Variants in LAMA4 observed in about 807,000 individuals in gnomAD.
LAMA4 encodes the protein laminin subunit alpha 4, also known as laminin subunit alpha-4.
LAMA4 carries 127 observed loss-of-function variants against 207.1 expected under a neutral mutation model. The ratio of observed to expected loss-of-function variants is 0.61; its 90% CI spans 0.53 to 0.71. The LOEUF (loss-of-function observed/expected upper bound fraction) is 0.71. Ranked by LOEUF, LAMA4 falls within the 30% of genes least tolerant of loss-of-function variation. The pLI is 0.00. For synonymous variants in LAMA4, 761 were observed against 816.0 expected, an observed-to-expected ratio of 0.93 and a Z score of 1.15; for missense variants, 2,093 against 2,246.5, an observed-to-expected ratio of 0.93 and a Z score of 1.38.
chr6:112,218,458 A>G (rs1784752733), intron 2 of LAMA4: 1 of 152,000 alleles, frequency 6.6e-6, no homozygotes, highest in Non-Finnish European at 1.5e-5. Flanking sequence ...TGCTCAATGA[A>G]CTCTTGGTGA....
Position 112,128,328 on chromosome 6 carries a change from G to A in LAMA4, c.4287+594C>T, listed in dbSNP as rs1216978495. On this transcript the variant is annotated intron_variant, in intron 31 of 38. Coordinates refer to ENST00000230538, the MANE Select transcript of LAMA4 (RefSeq NM_001105206.3). ...AGGACATTATGTTAAGTGAAATAAGGCAGGCACAGAAAGACAAATACTGCA... is the reference window on the plus strand; with the variant it reads ...AGGACATTATGTTAAGTGAAATAAGACAGGCACAGAAAGACAAATACTGCA... Among the ~76,000 whole-genome samples, 36 of 152,068 alleles carry A rather than the reference G, an allele frequency of 2.4e-4. 1 individual carries two copies. Among genetic ancestry groups the A allele is most frequent in the Admixed American group, 2.4e-3 (36 of 15,262 alleles).
intron 9 of LAMA4, chr6:112,179,222 C>G (rs1207850624): frequency 1.3e-5 from 2 of 152,118 alleles, no homozygotes; most frequent in African/African-American, 4.8e-5. Flanking sequence ...TAATGCCCAA[C>G]TCAAATGTGG....
intron 24 of LAMA4, among the ~76,000 whole-genome samples, chr6:112,137,055 A>G (rs1032735245): frequency 2.0e-5 from 3 of 152,192 alleles, no homozygotes; most frequent in African/African-American, 7.2e-5. Context: ...AAAGAAGGCC[A>G]TTGCTGTATT....
chr6:112,189,168 G>T lies in LAMA4; in HGVS notation c.756C>A (p.Thr252=). Residue 252 remains threonine, a synonymous_variant, in exon 7 of 39, where the codon ACC becomes ACA. Coordinates refer to ENST00000230538, the MANE Select transcript of LAMA4 (RefSeq NM_001105206.3). Reference sequence around the variant, plus strand: ...CAAAACCTTCTTCCAAGCATTCTCCGGTTACACTGTCACATGGGCCTCCCC... The same window carrying T: ...CAAAACCTTCTTCCAAGCATTCTCCTGTTACACTGTCACATGGGCCTCCCC... ...NCGGGPCDSV[T]GECLEEGFEP... is the part of the protein sequence containing the mutation. 6.2e-7 allele frequency: 1 copy of T among 1,613,982 alleles called. No homozygotes were observed. Among genetic ancestry groups the T allele is most frequent in the Middle Eastern group, 1.6e-4 (1 of 6,062 alleles).
chr6:112,114,133 G>A lies in LAMA4; in HGVS notation c.5269C>T (p.Pro1757Ser), dbSNP rs782001026. 1.9e-6 allele frequency: 3 copies of A among 1,613,790 alleles called. No homozygotes were observed. The highest frequency in any genetic ancestry group is 2.5e-6 in the Non-Finnish European group (3 of 1,179,746). Residue 1757 changes from proline (P) to serine (S), a missense_variant, in exon 38 of 39, where the codon CCC becomes TCC. By Grantham distance (74) the Pro-to-Ser change is moderately conservative. Coordinates refer to ENST00000230538, the MANE Select transcript of LAMA4 (RefSeq NM_001105206.3). ...VDSEVNHVVG[P>S]LNPKPIDHRE... Reference sequence around the variant, plus strand: ...TGATCAATTGGTTTTGGATTCAGGGGTCCAACCACATGGTTCACTTCAGAG... The same window carrying A: ...TGATCAATTGGTTTTGGATTCAGGGATCCAACCACATGGTTCACTTCAGAG...
At position 112,119,298 on chromosome 6, in the gene LAMA4, C is replaced by G. The variant is rs397516732; in HGVS notation, c.4679G>C (p.Arg1560Pro). 6.2e-7 allele frequency: 1 copy of G among 1,613,886 alleles called. No homozygotes were observed. The highest frequency in any genetic ancestry group is 1.7e-5 in the Admixed American group (1 of 60,020). ...DGLWHDVIFI[R>P]ERSSGRLVID... ...TACCAGTCGGCCACTGCTCCTTTCT[C>G]GAATAAATATCACCTGGATGAAGAG... The change falls in exon 34 of 39, where the codon CGA becomes CCA. Residue 1560 changes from arginine to proline, a missense_variant. This residue lies in a region of LAMA4 where 383 missense variants were observed against 437.8 expected (regional missense o/e 0.87). Coordinates refer to ENST00000230538, the MANE Select transcript of LAMA4 (RefSeq NM_001105206.3).
chr6:112,139,622 A>G (rs2114693281), intron 23 of LAMA4, 130 bp downstream of exon 23: 1 of 1,089,578 alleles, frequency 9.2e-7, no homozygotes. Context: ...TTTTGCAGGT[A>G]TGACTTATGT....
chr6:112,154,538 AT>A (rs34956253), intron 16 of LAMA4, among the ~76,000 whole-genome samples: 46,658 of 151,760 alleles, frequency 0.31, 7,653 homozygotes, highest in African/African-American at 0.42. Context: ...ATTTTAGGAC[AT>A]TTTTCCCCTA....
intron 12 of LAMA4, chr6:112,171,896 A>C (rs1781740558): frequency 6.6e-6 from 1 of 152,314 alleles, no homozygotes; most frequent in African/African-American, 2.4e-5. Context: ...CGAATTCGTG[A>C]ATTTGCTCAT....
At chr6:112,241,174 TATATATGA>T (rs1554187635) in intron 2 of LAMA4, among the ~76,000 whole-genome samples, 10 of 141,226 alleles carry the variant, frequency 7.1e-5, no homozygotes, top group South Asian at 2.2e-4. Flanking sequence ...TATATATGAA[TATATATGA>T]ATATATATGA....
At chr6:112,199,259 C>T (rs1160714838) in intron 5 of LAMA4, among the ~76,000 whole-genome samples, 6 of 152,168 alleles carry the variant, frequency 3.9e-5, no homozygotes, top group Non-Finnish European at 7.3e-5. Flanking sequence ...CAGGACTGTG[C>T]CCTTAGGGTC....
At chr6:112,132,641 G>T in intron 28 of LAMA4, 112 bp downstream of exon 28, 1 of 989,776 alleles carries the variant, frequency 1.0e-6, no homozygotes, top group Non-Finnish European at 1.5e-6. Flanking sequence ...GTCTACGTGT[G>T]AGTCAAAATT....
At chr6:112,225,470 G>T (rs1170858951) in intron 2 of LAMA4, among the ~76,000 whole-genome samples, 20 of 152,304 alleles carry the variant, frequency 1.3e-4, no homozygotes, top group African/African-American at 4.6e-4. Flanking sequence ...ATCAGAGGAT[G>T]GTTTGCACAT....
chr6:112,208,720 A>T lies in LAMA4; in HGVS notation c.298-1575T>A, dbSNP rs542884137. On this transcript the variant is annotated intron_variant, in intron 3 of 38. Transcript: ENST00000230538. The stretch of plus-strand genomic sequence containing the variant: ...TTCAATTGAAATATAATATTAATAC[A>T]TTAGTCAAAGGGGAAGAATCTTAAT... Among the ~76,000 whole-genome samples, 7 of 152,354 alleles carry T rather than the reference A, an allele frequency of 4.6e-5. No individual in the cohort carries two copies. The South Asian group carries it at 1.4e-3, about 32-fold the overall frequency.
At chr6:112,200,777 C>T (rs1468842517) in intron 5 of LAMA4, among the ~76,000 whole-genome samples, 1 of 152,022 alleles carries the variant, frequency 6.6e-6, no homozygotes, top group African/African-American at 2.4e-5. Flanking sequence ...CAAACTAACA[C>T]AGGAACAGAA....
chr6:112,151,189 A>T (rs147428097), intron 16 of LAMA4, among the ~76,000 whole-genome samples: 35 of 152,320 alleles, frequency 2.3e-4, no homozygotes, highest in South Asian at 1.7e-3. Flanking sequence ...TAACCCAAAG[A>T]TAATCACTTT....
chr6:112,206,122 G>A (rs1324192162), intron 4 of LAMA4, among the ~76,000 whole-genome samples: 1 of 152,172 alleles, frequency 6.6e-6, no homozygotes, highest in African/African-American at 2.4e-5. Context: ...TAAACTCTGT[G>A]AGTCATCTTA....
At chr6:112,179,769 T>C in intron 9 of LAMA4, 1 of 291,478 alleles carries the variant, frequency 3.4e-6, no homozygotes. Context: ...AGAGGCTTTT[T>C]ATTGGAGAAG....
intron 32 of LAMA4, among the ~76,000 whole-genome samples, chr6:112,120,900 C>T (rs1212259037): frequency 2.0e-5 from 3 of 151,614 alleles, no homozygotes; most frequent in African/African-American, 4.8e-5. Context: ...AGTGGAACCC[C>T]GTCTCTACAA....
Sources: allele counts gnomAD v4.1 joint callset (sites outside exome capture counted in the v4.1 genomes callset), GRCh38; gene constraint gnomAD v4.1.1; regional missense constraint gnomAD v4.1.1; transcripts MANE v1.5; gene names NCBI Gene and HGNC (gene_info 2026-07-23, HGNC 2026-07-21).